ROS1: variants seen among roughly 807,000 people sequenced by gnomAD.
The protein encoded by ROS1 is ROS proto-oncogene 1, receptor tyrosine kinase, also known as proto-oncogene tyrosine-protein kinase ROS.
A neutral mutation model predicts 273.5 loss-of-function variants in ROS1; 263 were observed. That is an observed-to-expected ratio of 0.96 (90% CI 0.87 to 1.06). The LOEUF (loss-of-function observed/expected upper bound fraction) is 1.06, where lower values mean the gene tolerates loss of function less well. ROS1 is among the 50% of genes least tolerant of loss of function. ROS1 has a pLI of 0.00. For synonymous variants in ROS1, 1,008 were observed against 954.1 expected (o/e 1.06, Z -1.04); for missense variants, 2,833 against 2,751.1 (o/e 1.03, Z -0.67).
intron 26 of ROS1, among the ~76,000 whole-genome samples, chr6:117,353,738 A>G (rs753487440): frequency 1.3e-5 from 2 of 152,224 alleles, no homozygotes; most frequent in Non-Finnish European, 1.5e-5. Context: ...TCCTAAATTT[A>G]AGTTTCATAT....
chr6:117,292,436 TG>T (rs1773906892), intron 43 of ROS1, among the ~76,000 whole-genome samples: 4 of 152,210 alleles, frequency 2.6e-5, no homozygotes, highest in Admixed American at 1.3e-4. Context: ...CTCTCTCCTC[TG>T]GATTTCCATA....
intron 39 of ROS1, among the ~76,000 whole-genome samples, chr6:117,311,609 G>C (rs561578985): frequency 1.3e-5 from 2 of 152,060 alleles, no homozygotes; most frequent in African/African-American, 4.8e-5. Flanking sequence ...AGTGCTAGCT[G>C]GTTTAATTAT....
Position 117,365,464 on chromosome 6 carries a change from G to GACCA in ROS1, c.2958+116_2958+117insTGGT, listed in dbSNP as rs1780136549. 4.4e-6 allele frequency: 4 copies of GACCA among 904,352 alleles called. No individual in the cohort carries two copies. In the African/African-American group the frequency reaches 6.7e-5, roughly 15 times the overall value. The allele number at this position is 904,352 out of a possible 1,614,324, so 56.0% of individuals were successfully genotyped here. A position where few individuals can be genotyped will look rare whatever the true frequency, so the allele number is the denominator to read the frequency against. On this transcript the variant is annotated intron_variant, in intron 20 of 43. Transcript: ENST00000368507. The stretch of plus-strand genomic sequence containing the variant: ...TAATCTTAATGACCAAATGCTATGG[G>GACCA]AATGACAAAGAAGATGGGCTTGGCT...
intron 17 of ROS1, among the ~76,000 whole-genome samples, chr6:117,379,917 ACTT>A (rs1433611664): frequency 6.6e-6 from 1 of 152,118 alleles, no homozygotes; most frequent in Non-Finnish European, 1.5e-5. Context: ...TATGAGAACC[ACTT>A]CTTACTACTC....
intron 32 of ROS1, among the ~76,000 whole-genome samples, chr6:117,330,511 A>G (rs1777002123): frequency 6.6e-6 from 1 of 152,188 alleles, no homozygotes; most frequent in Non-Finnish European, 1.5e-5. Flanking sequence ...GTGCCACCCA[A>G]CTGGGTGAGA....
rs2128661108 is a variant in ROS1, at chr6:117,365,714, A to G, written c.2825T>C (p.Ile942Thr). 1 of 1,601,692 alleles carries G rather than the reference A, an allele frequency of 6.2e-7. No individual in the cohort carries two copies. The highest frequency in any genetic ancestry group is 8.5e-7 in the Non-Finnish European group (1 of 1,175,662). The change falls in exon 20 of 44, where the codon ATT (isoleucine) becomes ACT (threonine). Residue 942 changes from isoleucine to threonine, a missense_variant. Ile to Thr is a moderately conservative substitution (Grantham distance 89). Transcript: ENST00000368507. ...PGNFSFTPKV[I>T]PDSVQESSFR... ...TGAAGACTCTTGAACAGAATCTGGA[A>G]TAACCTTAGGGGTAAAGGAAAAGTT...
At chr6:117,371,817 T>C (rs528127540) in intron 18 of ROS1, among the ~76,000 whole-genome samples, 2 of 152,216 alleles carry the variant, frequency 1.3e-5, no homozygotes, top group African/African-American at 4.8e-5. Flanking sequence ...CCTGGTGGCC[T>C]GTATAATGCA....
At chr6:117,419,851 G>C (rs996594094) in intron 1 of ROS1, among the ~76,000 whole-genome samples, 2 of 152,040 alleles carry the variant, frequency 1.3e-5, no homozygotes, top group Admixed American at 6.6e-5. Flanking sequence ...TAAATTTAAC[G>C]GGCTGAGTGA....
chr6:117,403,078 A>G (rs1369098012), intron 7 of ROS1, 61 bp downstream of exon 7: 1 of 1,579,938 alleles, frequency 6.3e-7, no homozygotes, highest in African/African-American at 1.4e-5. Context: ...TTAAAATAAA[A>G]ACAAACTAAA....
At position 117,359,818 on chromosome 6, in the gene ROS1, A is replaced by G. The variant is rs1333546480; in HGVS notation, c.3624T>C (p.Ser1208=). 6.2e-7 allele frequency: 1 copy of G among 1,612,992 alleles called. No individual in the cohort carries two copies. The highest frequency in any genetic ancestry group is 8.5e-7 in the Non-Finnish European group (1 of 1,179,114). ...SLFLLHLHNR[S]SSELFQDSLV... is the part of the protein sequence containing the mutation. The stretch of plus-strand genomic sequence containing the variant: ...TTACATAGTGAAATACCTCAGAGCT[A>G]GAGCGATTGTGCAAGTGCAGAAGAA... Residue 1208 remains serine, a synonymous_variant, in exon 24 of 44, where the codon TCT becomes TCC. Transcript: ENST00000368507.
chr6:117,383,836 A>G (rs1458167163), intron 16 of ROS1, among the ~76,000 whole-genome samples: 2 of 152,104 alleles, frequency 1.3e-5, no homozygotes, highest in East Asian at 3.8e-4. Context: ...ATTTGATTAG[A>G]CTCCCGAAAA....
chr6:117,354,107 T>C (rs1779095754), intron 26 of ROS1, among the ~76,000 whole-genome samples: 1 of 152,100 alleles, frequency 6.6e-6, no homozygotes, highest in South Asian at 2.1e-4. Context: ...TCCCAGCACT[T>C]TGGGAGGTCA....
At chr6:117,389,956 T>A in intron 12 of ROS1, 110 bp from the exon 13 acceptor site, 1 of 949,928 alleles carries the variant, frequency 1.1e-6, no homozygotes. Flanking sequence ...GTATCTCTGA[T>A]GTTGCTAAGT....
rs761993779 is a variant in ROS1, at chr6:117,397,034, G to A, written c.687C>T (p.Phe229=). Residue 229 remains phenylalanine (F), a synonymous_variant, in exon 8 of 44, where the codon TTC becomes TTT. Coordinates refer to ENST00000368507, the MANE Select transcript of ROS1 (RefSeq NM_001378902.1). ...TVEVSWDPPQ[F]PGGPILGYNL... is the part of the protein sequence containing the mutation. ...TATAACCCAAAATAGGTCCACCTGG[G>A]AATTGAGGTGGATCCCAGCTGACTT... The A allele has an allele frequency of 1.2e-6, 2 of 1,612,814 alleles. No individual in the cohort carries two copies. Among genetic ancestry groups the A allele is most frequent in the East Asian group, 4.5e-5 (2 of 44,870 alleles).
At chr6:117,353,226 TA>T (rs976024715) in intron 26 of ROS1, 60 bp from the exon 27 acceptor site, 9 of 1,222,206 alleles carry the variant, frequency 7.4e-6, no homozygotes, top group Non-Finnish European at 1.0e-5. Flanking sequence ...TTTTTTACTC[TA>T]AAAATGTATG....
At chr6:117,323,678 C>T (rs568514) in intron 35 of ROS1, among the ~76,000 whole-genome samples, 17,468 of 152,070 alleles carry the variant, frequency 0.11, 1,097 homozygotes, top group East Asian at 0.18. Flanking sequence ...TGACCATTCC[C>T]TTTGAGGTTT....
intron 11 of ROS1, 93 bp downstream of exon 11, chr6:117,394,069 G>C (rs1156923421): frequency 2.0e-5 from 15 of 767,580 alleles, no homozygotes; most frequent in Non-Finnish European, 3.0e-5. Context: ...AGTATGTATT[G>C]AATAAGGCAA....
At chr6:117,379,308 CTT>C in intron 17 of ROS1, 149 bp from the exon 18 acceptor site, 2 of 590,150 alleles carry the variant, frequency 3.4e-6, no homozygotes, top group East Asian at 2.8e-5. Context: ...GACTATAAAA[CTT>C]ATATGATTAT....
intron 1 of ROS1, among the ~76,000 whole-genome samples, chr6:117,419,703 A>C (rs369667362): frequency 7.2e-5 from 11 of 152,182 alleles, no homozygotes; most frequent in African/African-American, 2.4e-4. Flanking sequence ...TCAAAAATGC[A>C]TGTTAACTCA....
Sources: gnomAD v4.1 joint callset for allele counts (sites outside exome capture counted in the v4.1 genomes callset) on GRCh38, gnomAD v4.1.1 for gene constraint, MANE v1.5 for transcripts, NCBI Gene and HGNC (gene_info 2026-07-23, HGNC 2026-07-21) for gene names.